Variants in CADPS observed in about 807,000 individuals in gnomAD.
The protein encoded by CADPS is calcium-dependent secretion activator 1.
CADPS carries 57 observed loss-of-function variants against 167.3 expected under a neutral mutation model. That is an observed-to-expected ratio of 0.34 (90% CI 0.28 to 0.42). CADPS has a LOEUF of 0.42. CADPS is among the 20% of genes least tolerant of loss of function. CADPS has a pLI of 1.00. For synonymous variants in CADPS, 676 were observed against 635.3 expected (o/e 1.06, Z -0.96); for missense variants, 1,414 against 1,738.1 (o/e 0.81, Z 3.32).
At chr3:62,774,294 AAAG>A (rs1261729340) in intron 1 of CADPS, among the ~76,000 whole-genome samples, 1 of 152,198 alleles carries the variant, frequency 6.6e-6, no homozygotes, top group Non-Finnish European at 1.5e-5. Flanking sequence ...CATTAAAAAA[AAAG>A]AACATTTTTC....
Position 62,403,174 on chromosome 3 carries a change from G to A in CADPS, c.3789C>T (p.Asn1263=). ...AGGTGCAGATCACGTTCATGGAGCT[G>A]TTGTACCATTGCTGAAAAAAGAGAC... The part of the protein sequence containing the change: ...YIERLFDQWY[N]SSMNVICTWL... The change falls in exon 29 of 30, where the codon AAC becomes AAT. Residue 1263 remains asparagine, a synonymous_variant. Transcript: ENST00000383710. 4 of 1,612,344 alleles carry A rather than the reference G, an allele frequency of 2.5e-6. No individual in the cohort carries two copies. The highest frequency in any genetic ancestry group is 3.4e-6 in the Non-Finnish European group (4 of 1,178,666).
rs529457907 is a variant in CADPS, at chr3:62,714,382, T to G, written c.888+39059A>C. On this transcript the variant is annotated intron_variant, in intron 3 of 29. Transcript: ENST00000383710. ...TGTTTCTAATGTGGAGAGATCACAT[T>G]AGAAGAATACTCTTCCCTTCCACTT... 7.2e-5 allele frequency among the ~76,000 whole-genome samples: 11 copies of G among 152,324 alleles called. No individual in the cohort carries two copies. In the South Asian group the frequency reaches 2.1e-3, roughly 29 times the overall value.
At chr3:62,651,413 G>T (rs570401755) in intron 4 of CADPS, among the ~76,000 whole-genome samples, 2 of 152,140 alleles carry the variant, frequency 1.3e-5, no homozygotes, top group African/African-American at 2.4e-5. Flanking sequence ...TTCAAATATG[G>T]TTTCAGTTTA....
chr3:62,856,271 A>G (rs922914717), intron 1 of CADPS, among the ~76,000 whole-genome samples: 15 of 152,194 alleles, frequency 9.9e-5, no homozygotes, highest in Non-Finnish European at 2.1e-4. Context: ...CAATTTACTT[A>G]GGAATAAATT....
At position 62,788,562 on chromosome 3, in the gene CADPS, G is replaced by C. The variant is rs576578083; in HGVS notation, c.442-22578C>G. ...CAGAATGATCTTGGGACCCGACACAGCTGTATTTGTAAAATTTGCAAAGCT... is the reference window on the plus strand; with the variant it reads ...CAGAATGATCTTGGGACCCGACACACCTGTATTTGTAAAATTTGCAAAGCT... On this transcript the variant is annotated intron_variant, in intron 1 of 29. Transcript: ENST00000383710. Among the ~76,000 whole-genome samples, 6 of 152,262 alleles carry C rather than the reference G, an allele frequency of 3.9e-5. No homozygotes were observed. The South Asian group carries it at 1.2e-3, about 32-fold the overall frequency.
In CADPS at chr3:62,654,211, A is replaced by C. The variant is rs11921311; in HGVS notation, c.970-3131T>G. Among the ~76,000 whole-genome samples the C allele has an allele frequency of 5.4e-3, 828 of 152,300 alleles. 4 individuals are homozygous for C. Among genetic ancestry groups the C allele is most frequent in the African/African-American group, 0.018 (759 of 41,564 alleles). Reference sequence around the variant, plus strand: ...TCACTTGGAAAACATTTACTGCCACAAACACTGTATATGGTACAGAGTTAG... The same window carrying C: ...TCACTTGGAAAACATTTACTGCCACCAACACTGTATATGGTACAGAGTTAG... On this transcript the variant is annotated intron_variant, in intron 4 of 29. Coordinates refer to ENST00000383710, the MANE Select transcript of CADPS (RefSeq NM_003716.4).
At chr3:62,586,288 T>C (rs1034947196) in intron 7 of CADPS, among the ~76,000 whole-genome samples, 2 of 152,212 alleles carry the variant, frequency 1.3e-5, no homozygotes, top group Non-Finnish European at 2.9e-5. Context: ...ATTTATTTTC[T>C]CTAGGTGCAA....
chr3:62,746,315 CA>C (rs2152347658), intron 3 of CADPS, among the ~76,000 whole-genome samples: 1 of 152,240 alleles, frequency 6.6e-6, no homozygotes, highest in Non-Finnish European at 1.5e-5. Flanking sequence ...CTTCATGGGC[CA>C]GACTTAATCA....
chr3:62,513,243 G>A (rs998080583), intron 16 of CADPS, among the ~76,000 whole-genome samples: 1 of 152,054 alleles, frequency 6.6e-6, no homozygotes, highest in Non-Finnish European at 1.5e-5. Flanking sequence ...AAGAAGGCAT[G>A]ATTTTGCCCC....
At chr3:62,520,932 A>T (rs1380146634) in intron 13 of CADPS, among the ~76,000 whole-genome samples, 2 of 152,218 alleles carry the variant, frequency 1.3e-5, no homozygotes, top group African/African-American at 2.4e-5. Context: ...TTAGCTATAC[A>T]GGTTTAGATA....
At chr3:62,659,601 C>A (rs56127950) in intron 4 of CADPS, among the ~76,000 whole-genome samples, 51,061 of 152,102 alleles carry the variant, frequency 0.34, 9,228 homozygotes, top group East Asian at 0.69. Context: ...GGAAGAAGTG[C>A]ACATTGCTAC....
intron 15 of CADPS, 122 bp from the exon 16 acceptor site, chr3:62,516,304 TGCTTAA>T: frequency 7.7e-7 from 1 of 1,292,786 alleles, no homozygotes; most frequent in Non-Finnish European, 1.1e-6. Context: ...TTGAGAGCCA[TGCTTAA>T]AGAGAAAGCA....
chr3:62,612,087 T>C lies in CADPS; in HGVS notation c.1326-19339A>G, dbSNP rs115574595. 1.8e-3 allele frequency among the ~76,000 whole-genome samples: 272 copies of C among 152,314 alleles called. 1 individual carries two copies. Among genetic ancestry groups the C allele is most frequent in the African/African-American group, 6.1e-3 (253 of 41,562 alleles). The stretch of plus-strand genomic sequence containing the variant: ...TTTGAGTGAATCATCAATTTTGAAA[T>C]AGTTCTACTGAAGAGTTACAATGTC... On this transcript the variant is annotated intron_variant, in intron 6 of 29. Transcript: ENST00000383710.
chr3:62,501,328 G>A (rs560037061), intron 17 of CADPS, among the ~76,000 whole-genome samples: 19 of 152,274 alleles, frequency 1.2e-4, no homozygotes, highest in African/African-American at 3.9e-4. Flanking sequence ...AATTTCATTC[G>A]TAGACTTTCA....
rs142596915 is a variant in CADPS at position 62,478,463 on chromosome 3, G to T, written c.3174-47C>A. The T allele has an allele frequency of 1.0e-4, 161 of 1,567,056 alleles. 1 individual carries two copies. In the East Asian group the frequency reaches 3.7e-3, roughly 36 times the overall value. ...AATGAGAGTCACCCACTGGCCTCAG[G>T]CTCTACAAAAACTAACACAGAGACA... On this transcript the variant is annotated intron_variant, in intron 22 of 29. Coordinates refer to ENST00000383710, the MANE Select transcript of CADPS (RefSeq NM_003716.4). This position sits in a 1 kb window ranked among gnomAD's most constrained non-coding sequence, Gnocchi z 5.7.
intron 23 of CADPS, among the ~76,000 whole-genome samples, chr3:62,477,779 C>T (rs922796382): frequency 2.0e-5 from 3 of 152,136 alleles, no homozygotes; most frequent in Non-Finnish European, 2.9e-5. Context: ...ATATGCTCAT[C>T]TTTTATATAC....
intron 3 of CADPS, among the ~76,000 whole-genome samples, chr3:62,731,926 G>A (rs144990548): frequency 5.9e-4 from 88 of 150,186 alleles, no homozygotes; most frequent in Middle Eastern, 3.4e-3. Flanking sequence ...GGATCATGAA[G>A]GCCCCTTAGA....
At chr3:62,845,040 G>C (rs1393526901) in intron 1 of CADPS, among the ~76,000 whole-genome samples, 1 of 152,188 alleles carries the variant, frequency 6.6e-6, no homozygotes. Flanking sequence ...TCACAGGGTG[G>C]TACTTTTAGC....
intron 18 of CADPS, among the ~76,000 whole-genome samples, chr3:62,497,585 G>T (rs2065036268): frequency 6.6e-6 from 1 of 152,168 alleles, no homozygotes; most frequent in Non-Finnish European, 1.5e-5. Context: ...TTATCGATTT[G>T]CTTTTCCCTA....
Sources: gnomAD v4.1 joint callset for allele counts (sites outside exome capture counted in the v4.1 genomes callset) on GRCh38, gnomAD v4.1.1 for gene constraint, Gnocchi (gnomAD v3.1) non-coding constraint, MANE v1.5 for transcripts, NCBI Gene and HGNC (gene_info 2026-07-23, HGNC 2026-07-21) for gene names.